ADGRL3: variants seen among roughly 807,000 people sequenced by gnomAD.
The protein encoded by ADGRL3 is adhesion G protein-coupled receptor L3, also known as calcium-independent alpha-latrotoxin receptor 3.
Under a neutral mutation model 153.5 loss-of-function variants are expected in ADGRL3, and 62 were observed. The ratio of observed to expected loss-of-function variants is 0.40; its 90% CI spans 0.33 to 0.50. The LOEUF (loss-of-function observed/expected upper bound fraction) is 0.50, where lower values mean the gene tolerates loss of function less well. Ranked by LOEUF, ADGRL3 falls within the 20% of genes least tolerant of loss-of-function variation. ADGRL3 has a pLI of 0.47. For missense variants in ADGRL3, 1,641 were observed against 1,859.4 expected (o/e 0.88, Z 2.16); for synonymous variants, 710 against 672.5 (o/e 1.06, Z -0.86).
intron 1 of ADGRL3, chr4:61,212,264 TATCC>T (rs2148871351): frequency 6.6e-6 from 1 of 152,360 alleles, no homozygotes; most frequent in Non-Finnish European, 1.5e-5. Flanking sequence ...TGTAGTTATG[TATCC>T]ATCCATCTGT....
intron 9 of ADGRL3, among the ~76,000 whole-genome samples, chr4:61,834,596 G>T (rs1004794900): frequency 6.6e-6 from 1 of 152,096 alleles, no homozygotes. Context: ...AGGCTATGAC[G>T]ATGGGAAAAG....
chr4:61,465,752 T>TACATAA (rs1425094782), intron 2 of ADGRL3, among the ~76,000 whole-genome samples: 1 of 89,758 alleles, frequency 1.1e-5, no homozygotes, highest in South Asian at 4.9e-4. Context: ...TTTAAAATTA[T>TACATAA]ATATAAATAT....
intron 9 of ADGRL3, among the ~76,000 whole-genome samples, chr4:61,819,967 A>C (rs1460239591): frequency 6.6e-6 from 1 of 152,066 alleles, no homozygotes; most frequent in East Asian, 1.9e-4. Flanking sequence ...TTTTAGTTTT[A>C]ATCCATGGGT....
rs949702960 is a variant in ADGRL3 at position 61,372,837 on chromosome 4, G to A, written c.-239-10287G>A. ...GCGCCCCTCCCCCAGTCTCGCTGCCGCCTTGCAGTTTGATCTCAGACTGCT... is the reference window on the plus strand; with the variant it reads ...GCGCCCCTCCCCCAGTCTCGCTGCCACCTTGCAGTTTGATCTCAGACTGCT... On this transcript the variant is annotated intron_variant, in intron 1 of 26. Transcript: ENST00000683033. 9.9e-5 allele frequency among the ~76,000 whole-genome samples: 15 copies of A among 152,238 alleles called. No homozygotes were observed. In the South Asian group the frequency reaches 1.4e-3, roughly 15 times the overall value.
chr4:61,661,792 A>C (rs2094601577), intron 5 of ADGRL3, among the ~76,000 whole-genome samples: 3 of 152,216 alleles, frequency 2.0e-5, no homozygotes, highest in Admixed American at 2.0e-4. Flanking sequence ...AAACTAATAA[A>C]ATACAAAAAA....
chr4:61,356,270 G>C (rs1326237134), intron 1 of ADGRL3, among the ~76,000 whole-genome samples: 5 of 151,988 alleles, frequency 3.3e-5, no homozygotes, highest in African/African-American at 1.2e-4. Flanking sequence ...TTGGATAAGA[G>C]TACATTTAAG....
intron 1 of ADGRL3, among the ~76,000 whole-genome samples, chr4:61,220,559 T>C (rs1484869527): frequency 6.6e-6 from 1 of 152,196 alleles, no homozygotes; most frequent in African/African-American, 2.4e-5. Context: ...AAGATTCAGT[T>C]AGGAAAAATT....
chr4:61,566,567 T>A (rs1034813819), intron 4 of ADGRL3, among the ~76,000 whole-genome samples: 2 of 152,164 alleles, frequency 1.3e-5, no homozygotes, highest in Admixed American at 6.5e-5. Context: ...ATCAACCTTT[T>A]CGTGGTATCT....
chr4:61,717,319 C>CT (rs960162948), intron 6 of ADGRL3, among the ~76,000 whole-genome samples: 1 of 151,444 alleles, frequency 6.6e-6, no homozygotes, highest in Admixed American at 6.6e-5. Flanking sequence ...ATCCATTGAC[C>CT]TTTGAAATAG....
intron 2 of ADGRL3, among the ~76,000 whole-genome samples, chr4:61,479,948 G>T (rs2098114526): frequency 6.6e-6 from 1 of 151,916 alleles, no homozygotes; most frequent in South Asian, 2.1e-4. Context: ...ATGCATGTAT[G>T]CATTGTGAAA....
Position 61,651,040 on chromosome 4 carries a change from C to T in ADGRL3, c.474-25786C>T, listed in dbSNP as rs549849488. ...AGATTTAAATAAGTAATCTATCACT[C>T]ATACTCAGCCTCAATTCTTATGATT... On this transcript the variant is annotated intron_variant, in intron 5 of 26. Coordinates refer to ENST00000683033, the MANE Select transcript of ADGRL3 (RefSeq NM_001387552.1). Among the ~76,000 whole-genome samples the T allele has an allele frequency of 1.8e-4, 28 of 152,212 alleles. 1 individual carries two copies. Among genetic ancestry groups the T allele is most frequent in the Admixed American group, 1.5e-3 (23 of 15,294 alleles).
chr4:61,985,042 G>A (rs2099080600), intron 19 of ADGRL3, among the ~76,000 whole-genome samples: 1 of 151,964 alleles, frequency 6.6e-6, no homozygotes, highest in Admixed American at 6.6e-5. Flanking sequence ...AAAGGGAAAA[G>A]TCTTGGGAGG....
At chr4:61,413,916 T>A (rs1278360278) in intron 2 of ADGRL3, among the ~76,000 whole-genome samples, 1 of 152,232 alleles carries the variant, frequency 6.6e-6, no homozygotes, top group East Asian at 1.9e-4. Flanking sequence ...GTAGTCCTCC[T>A]TTATTCACAG....
chr4:61,618,205 TC>T (rs2092216127), intron 5 of ADGRL3, among the ~76,000 whole-genome samples: 1 of 152,194 alleles, frequency 6.6e-6, no homozygotes, highest in African/African-American at 2.4e-5. Flanking sequence ...ATGAATGTTT[TC>T]TAATAACAGA....
chr4:61,526,007 G>C (rs142621806), intron 4 of ADGRL3, among the ~76,000 whole-genome samples: 318 of 152,254 alleles, frequency 2.1e-3, no homozygotes, highest in African/African-American at 7.3e-3. Flanking sequence ...GCCGAAGCAG[G>C]GGAGGGACAA....
At chr4:61,593,536 T>A (rs1375697104) in intron 5 of ADGRL3, among the ~76,000 whole-genome samples, 1 of 152,140 alleles carries the variant, frequency 6.6e-6, no homozygotes, top group Non-Finnish European at 1.5e-5. Context: ...TCCTTCATGC[T>A]TAAAGGATAT....
At chr4:61,269,566 C>T (rs1423052659) in intron 1 of ADGRL3, among the ~76,000 whole-genome samples, 1 of 151,566 alleles carries the variant, frequency 6.6e-6, no homozygotes, top group East Asian at 1.9e-4. Context: ...GGAAACATGA[C>T]ATTAAATAAA....
intron 9 of ADGRL3, among the ~76,000 whole-genome samples, chr4:61,863,212 A>G (rs1028975070): frequency 6.7e-6 from 1 of 148,324 alleles, no homozygotes; most frequent in African/African-American, 2.5e-5. Flanking sequence ...GCTTGTGTAC[A>G]TCATGTCTGG....
intron 1 of ADGRL3, among the ~76,000 whole-genome samples, chr4:61,265,027 G>A (rs1322808275): frequency 1.3e-5 from 2 of 151,848 alleles, no homozygotes; most frequent in Non-Finnish European, 1.5e-5. Flanking sequence ...GCATTCGTAG[G>A]ATTTCCTACT....
Sources: allele counts gnomAD v4.1 joint callset (sites outside exome capture counted in the v4.1 genomes callset), GRCh38; gene constraint gnomAD v4.1.1; transcripts MANE v1.5; gene names NCBI Gene and HGNC (gene_info 2026-07-23, HGNC 2026-07-21).